Variants in KCNG4 observed in about 807,000 individuals in gnomAD.
KCNG4 encodes potassium voltage-gated channel modifier subfamily G member 4.
KCNG4 carries 30 observed loss-of-function variants against 28.2 expected under a neutral mutation model. That is an observed-to-expected ratio of 1.06 (90% CI 0.80 to 1.44). The LOEUF is 1.44. KCNG4 is among the 40% of genes most tolerant of loss of function. The pLI, the probability that KCNG4 is intolerant of heterozygous loss-of-function variation, is 0.00. For synonymous variants in KCNG4, 375 were observed against 315.5 expected (o/e 1.19, Z -2.00); for missense variants, 879 against 712.3 (o/e 1.23, Z -2.66).
intron 2 of KCNG4, among the ~76,000 whole-genome samples, chr16:84,234,408 A>T (rs540754469): frequency 6.6e-6 from 1 of 151,632 alleles, no homozygotes; most frequent in East Asian, 1.9e-4. Flanking sequence ...CAAACTCCTG[A>T]CCTCAGGAGA....
intron 1 of KCNG4, among the ~76,000 whole-genome samples, chr16:84,237,759 A>C (rs1213368072): frequency 6.6e-6 from 1 of 152,214 alleles, no homozygotes; most frequent in Non-Finnish European, 1.5e-5. Context: ...ACATCTCAGA[A>C]GGATGTCTCC....
At chr16:84,238,897 G>A (rs1905039388) in intron 1 of KCNG4, among the ~76,000 whole-genome samples, 1 of 151,982 alleles carries the variant, frequency 6.6e-6, no homozygotes, top group Non-Finnish European at 1.5e-5. Flanking sequence ...AAAATGACGG[G>A]GCCTCTAATG....
chr16:84,235,160 T>C (rs1451888251), intron 2 of KCNG4, among the ~76,000 whole-genome samples: 1 of 152,162 alleles, frequency 6.6e-6, no homozygotes, highest in Non-Finnish European at 1.5e-5. Flanking sequence ...CCTGGGTTCA[T>C]ACCCTGCGTA....
rs1430374401 is a variant in KCNG4, at chr16:84,239,742, G to A, written c.-113C>T. The A allele has an allele frequency of 6.6e-6, 1 of 150,902 alleles. No homozygotes were observed. The highest frequency in any genetic ancestry group is 1.5e-5 in the Non-Finnish European group (1 of 67,768). 9.3% of individuals were successfully genotyped at this position (150,902 alleles called of 1,614,324 possible). ...GGGGAGCCCATCTCTTGGTGCCCAG[G>A]GAAGGGACAGGTTTCTGGTGGAGAT... On this transcript the variant is annotated 5_prime_UTR_variant, in exon 1 of 3. Transcript: ENST00000308251.
intron 2 of KCNG4, among the ~76,000 whole-genome samples, chr16:84,224,403 TACACAC>T (rs58296563): frequency 4.1e-4 from 24 of 58,660 alleles, no homozygotes; most frequent in African/African-American, 1.3e-3. Context: ...TATACATATT[TACACAC>T]ACACACACAC....
At chr16:84,230,811 G>T (rs1443642233) in intron 2 of KCNG4, among the ~76,000 whole-genome samples, 1 of 152,254 alleles carries the variant, frequency 6.6e-6, no homozygotes, top group Non-Finnish European at 1.5e-5. Flanking sequence ...AGGCAATGCT[G>T]TGGGGCAGGC....
chr16:84,231,580 G>A lies in KCNG4; in HGVS notation c.756+5150C>T, dbSNP rs1043460232. Among the ~76,000 whole-genome samples the A allele has an allele frequency of 5.3e-5, 8 of 152,296 alleles. No homozygotes were observed. In the South Asian group the frequency reaches 1.5e-3, roughly 28 times the overall value. Reference sequence around the variant, plus strand: ...AACAGACCAGGACATGAGGCTGCAGGTGCCCAGGGCTGGAAGGGCACTAGG... The same window carrying A: ...AACAGACCAGGACATGAGGCTGCAGATGCCCAGGGCTGGAAGGGCACTAGG... On this transcript the variant is annotated intron_variant, in intron 2 of 2. Transcript: ENST00000308251.
In KCNG4 at chr16:84,222,428, G is replaced by A. The variant is rs778462749; in HGVS notation, c.1349C>T (p.Ala450Val). The change falls in exon 3 of 3, where the codon GCC (alanine) becomes GTC (valine). Residue 450 changes from alanine (A) to valine (V), a missense_variant. Physicochemically the swap from Ala to Val is moderately conservative, Grantham distance 64. Transcript: ENST00000308251. ...GGAGAAGGTGTGGAAGATAGACGTG[G>A]CCGGGAAGGCCATGATGAGGATCCC... ...LSGILIMAFP[A>V]TSIFHTFSHS... 2.5e-6 allele frequency: 4 copies of A among 1,614,190 alleles called. No individual in the cohort carries two copies. Among genetic ancestry groups the A allele is most frequent in the Non-Finnish European group, 2.5e-6 (3 of 1,180,048 alleles).
Position 84,237,503 on chromosome 16 carries a change from T to C in KCNG4, c.-18A>G, listed in dbSNP as rs766333972. 2.0e-6 allele frequency: 3 copies of C among 1,475,490 alleles called. No individual in the cohort carries two copies. The South Asian group carries it at 4.6e-5, about 23-fold the overall frequency. The allele number at this position is 1,475,490 out of a possible 1,614,324, so 91.4% of individuals were successfully genotyped here. ...ATGGGCATTGCTGAAGACCACCAGGTAGGAAGCGCTGGGTTTACCAGTCTG... is the reference window on the plus strand; with the variant it reads ...ATGGGCATTGCTGAAGACCACCAGGCAGGAAGCGCTGGGTTTACCAGTCTG... On this transcript the variant is annotated 5_prime_UTR_variant, in exon 2 of 3. Coordinates refer to ENST00000308251, the MANE Select transcript of KCNG4 (RefSeq NM_172347.3).
Position 84,222,945 on chromosome 16 carries a change from A to T in KCNG4, c.832T>A (p.Cys278Ser). The T allele has an allele frequency of 1.3e-6, 2 of 1,590,660 alleles. No homozygotes were observed. ...ICVAWFSLEF[C>S]LRFVQAQDKC... ...TCTTGGGCCTGGACAAACCGCAGGC[A>T]GAACTCCAGGGAGAACCAGGCCACG... The change falls in exon 3 of 3, where the codon TGC becomes AGC. Residue 278 changes from cysteine to serine, a missense_variant. Coordinates refer to ENST00000308251, the MANE Select transcript of KCNG4 (RefSeq NM_172347.3).
rs940303670 is a variant in KCNG4 at position 84,221,880 on chromosome 16, A to G, written c.*337T>C. 6.3e-6 allele frequency: 2 copies of G among 318,626 alleles called. No homozygotes were observed. Among genetic ancestry groups the G allele is most frequent in the Non-Finnish European group, 5.8e-6 (1 of 170,970 alleles). 19.7% of individuals were successfully genotyped at this position (318,626 alleles called of 1,614,324 possible). On this transcript the variant is annotated 3_prime_UTR_variant, in exon 3 of 3. Coordinates refer to ENST00000308251, the MANE Select transcript of KCNG4 (RefSeq NM_172347.3). ...GCAAATACCAATGGTTACCAGTTCT[A>G]TGGGCATCCAGAACCCAGCCTGGGA...
At chr16:84,223,857 G>A (rs893434904) in intron 2 of KCNG4, among the ~76,000 whole-genome samples, 17 of 152,152 alleles carry the variant, frequency 1.1e-4, no homozygotes, top group Admixed American at 9.8e-4. Flanking sequence ...AACAGATATC[G>A]TTTCTGATGG....
chr16:84,228,505 C>T (rs906326244), intron 2 of KCNG4, among the ~76,000 whole-genome samples: 4 of 152,118 alleles, frequency 2.6e-5, no homozygotes, highest in African/African-American at 7.2e-5. Flanking sequence ...CTCGGCCAGC[C>T]GTGCCCTCCG....
rs75835755 is a variant in KCNG4, at chr16:84,237,649, T to C, written c.-40-124A>G. 397 of 567,098 alleles carry C rather than the reference T, an allele frequency of 7.0e-4. No homozygotes were observed. In the African/African-American group the frequency reaches 7.0e-3, roughly 10 times the overall value. 35.1% of individuals were successfully genotyped at this position (567,098 alleles called of 1,614,324 possible). A position where few individuals can be genotyped will look rare whatever the true frequency, so the allele number is the denominator to read the frequency against. ...TTCCTGTGACTGCATCTGCATGGCT[T>C]GTTCTTTTAACCTTTAGTTCAACAC... On this transcript the variant is annotated intron_variant, in intron 1 of 2. Transcript: ENST00000308251.
chr16:84,234,584 A>C (rs1471008498), intron 2 of KCNG4, among the ~76,000 whole-genome samples: 1 of 152,230 alleles, frequency 6.6e-6, no homozygotes, highest in East Asian at 1.9e-4. Flanking sequence ...TGCTTACAGC[A>C]AATGTCCATC....
chr16:84,237,600 A>G (rs1475609908), intron 1 of KCNG4, 75 bp from the exon 2 acceptor site: 30 of 1,016,436 alleles, frequency 3.0e-5, no homozygotes, highest in Non-Finnish European at 3.9e-5. Context: ...GGATGTCACG[A>G]CTGCAGATGT....
chr16:84,220,452 G>C lies in KCNG4; in HGVS notation c.*1765C>G, dbSNP rs1384778446. The C allele has an allele frequency of 6.6e-6, 1 of 152,258 alleles. No homozygotes were observed. Among genetic ancestry groups the C allele is most frequent in the African/African-American group, 2.4e-5 (1 of 41,470 alleles). 9.4% of individuals were successfully genotyped at this position (152,258 alleles called of 1,614,324 possible). A position where few individuals can be genotyped will look rare whatever the true frequency, so the allele number is the denominator to read the frequency against. ...TTCCTGGGCCAGAGCCCTCTGCCAC[G>C]CTGCTGTCTGGCATTGCCATCAGTG... On this transcript the variant is annotated 3_prime_UTR_variant, in exon 3 of 3. Coordinates refer to ENST00000308251, the MANE Select transcript of KCNG4 (RefSeq NM_172347.3).
chr16:84,231,099 A>T (rs780228957), intron 2 of KCNG4, among the ~76,000 whole-genome samples: 25 of 152,148 alleles, frequency 1.6e-4, no homozygotes, highest in Admixed American at 1.3e-4. Flanking sequence ...CAGGGGTGTG[A>T]GCCCAGCCCC....
In KCNG4 at chr16:84,222,888, T is replaced by G. The variant is rs771503292; in HGVS notation, c.889A>C (p.Ile297Leu). 3 of 1,612,184 alleles carry G rather than the reference T, an allele frequency of 1.9e-6. No individual in the cohort carries two copies. The highest frequency in any genetic ancestry group is 4.5e-5 in the East Asian group (2 of 44,802). Reference sequence around the variant, plus strand: ...GGGGAGATGGCCAGGATGTCGATGATGTTCAGGGGCCCCTGGAAGAACTGA... The same window carrying G: ...GGGGAGATGGCCAGGATGTCGATGAGGTTCAGGGGCCCCTGGAAGAACTGA... ...KCQFFQGPLNIIDILAISPYY... is the reference protein window; with the variant it reads ...KCQFFQGPLNLIDILAISPYY... Residue 297 changes from isoleucine (I) to leucine (L), a missense_variant, in exon 3 of 3, where the codon ATC becomes CTC. Ile to Leu is a conservative substitution (Grantham distance 5). Transcript: ENST00000308251.
Sources: gnomAD v4.1 joint callset for allele counts (sites outside exome capture counted in the v4.1 genomes callset) on GRCh38, gnomAD v4.1.1 for gene constraint, MANE v1.5 for transcripts, NCBI Gene and HGNC (gene_info 2026-07-23, HGNC 2026-07-21) for gene names.